The following DDIAS variants were observed in gnomAD, a reference collection of about 807,000 sequenced individuals.
DDIAS encodes the protein DNA damage-induced apoptosis suppressor protein.
A neutral mutation model predicts 15.7 loss-of-function variants in DDIAS; 14 were observed. The observed-to-expected ratio is 0.89, with a 90% CI of 0.59 to 1.39. The LOEUF (loss-of-function observed/expected upper bound fraction) is 1.39, where lower values mean the gene tolerates loss of function less well. DDIAS is among the 40% of genes most tolerant of loss of function. DDIAS has a pLI of 0.00. For missense variants in DDIAS, 1,035 were observed against 1,130.9 expected, an observed-to-expected ratio of 0.92 and a Z score of 1.22; for synonymous variants, 355 against 395.9, an observed-to-expected ratio of 0.90 and a Z score of 1.23.
Position 82,932,802 on chromosome 11 carries a change from A to C in DDIAS, c.1464A>C (p.Ala488=), listed in dbSNP as rs1861027475. The C allele has an allele frequency of 6.2e-7, 1 of 1,613,680 alleles. No individual in the cohort carries two copies. The highest frequency in any genetic ancestry group is 1.3e-5 in the African/African-American group (1 of 74,948). ...GATCATCACAAGTAATAGTCAAAGC[A>C]AACTGTAGCAAAGATGACTTCCTTT... ...ALRSSQVIVK[A]NCSKDDFLFN... The change falls in exon 6 of 6, where the codon GCA becomes GCC. Residue 488 remains alanine (A), a synonymous_variant. Transcript: ENST00000533655.
intron 1 of DDIAS, among the ~76,000 whole-genome samples, chr11:82,909,609 A>G (rs1163370736): frequency 6.6e-6 from 1 of 152,196 alleles, no homozygotes; most frequent in Admixed American, 6.5e-5. Context: ...ATGGCAAGGA[A>G]TTTGAGGTTT....
At chr11:82,913,642 T>C (rs1330761239) in intron 2 of DDIAS, 1 of 401,820 alleles carries the variant, frequency 2.5e-6, no homozygotes, top group Non-Finnish European at 4.8e-6. Flanking sequence ...GAAGTCTTTT[T>C]TTTCTCTTCA....
Position 82,931,938 on chromosome 11 carries a change from TAACA to T in DDIAS, c.602_605del (p.Asn201IlefsTer6). 6.2e-7 allele frequency: 1 copy of T among 1,614,122 alleles called. No homozygotes were observed. Among genetic ancestry groups the T allele is most frequent in the South Asian group, 1.1e-5 (1 of 91,078 alleles). ...AACTTCAGTGTGACTCTCAGGCACC[TAACA>T]ATCACTTACTTGCTTTAGATCACTC... On this transcript the variant is annotated frameshift_variant, in exon 6 of 6. Coordinates refer to ENST00000533655, the MANE Select transcript of DDIAS (RefSeq NM_145018.4). LOFTEE classifies it low-confidence loss of function (END_TRUNC).
At chr11:82,927,453 G>A (rs1341085759) in intron 3 of DDIAS, among the ~76,000 whole-genome samples, 1 of 152,186 alleles carries the variant, frequency 6.6e-6, no homozygotes, top group Non-Finnish European at 1.5e-5. Flanking sequence ...CAGAGCTACA[G>A]ATTTTAGACT....
At chr11:82,919,292 G>C (rs1860695787) in intron 3 of DDIAS, among the ~76,000 whole-genome samples, 1 of 152,184 alleles carries the variant, frequency 6.6e-6, no homozygotes, top group Admixed American at 6.5e-5. Context: ...TTCGCTGAGA[G>C]TTTTAATCAT....
chr11:82,904,921 A>G (rs1482830251), intron 1 of DDIAS, among the ~76,000 whole-genome samples: 1 of 152,242 alleles, frequency 6.6e-6, no homozygotes, highest in African/African-American at 2.4e-5. Context: ...TTTTAGTATA[A>G]TATGAGGTTA....
rs1361976973 is a variant in DDIAS at position 82,934,394 on chromosome 11, G to T, written c.*59G>T. 7 of 1,476,706 alleles carry T rather than the reference G, an allele frequency of 4.7e-6. No homozygotes were observed. Among genetic ancestry groups the T allele is most frequent in the Non-Finnish European group, 5.5e-6 (6 of 1,100,684 alleles). The allele number at this position is 1,476,706 out of a possible 1,614,324, so 91.5% of individuals were successfully genotyped here. A position where few individuals can be genotyped will look rare whatever the true frequency, so the allele number is the denominator to read the frequency against. On this transcript the variant is annotated 3_prime_UTR_variant, in exon 6 of 6. Transcript: ENST00000533655. Reference sequence around the variant, plus strand: ...ATCTGTTTGGAAATGTTTGCCTTCAGGGGTACGGAAAGCATTCTTTACATT... The same window carrying T: ...ATCTGTTTGGAAATGTTTGCCTTCATGGGTACGGAAAGCATTCTTTACATT...
chr11:82,930,754 A>AAAAAG (rs35208328), intron 5 of DDIAS, among the ~76,000 whole-genome samples: 28 of 150,846 alleles, frequency 1.9e-4, no homozygotes, highest in African/African-American at 3.2e-4. Context: ...GTTAAAAAAA[A>AAAAAG]AAGAAGTTAC....
In DDIAS at chr11:82,933,148, T is replaced by G; in HGVS notation, c.1810T>G (p.Ser604Ala). The G allele has an allele frequency of 6.2e-7, 1 of 1,609,960 alleles. No individual in the cohort carries two copies. Among genetic ancestry groups the G allele is most frequent in the Non-Finnish European group, 8.5e-7 (1 of 1,179,722 alleles). Residue 604 changes from serine (S) to alanine (A), a missense_variant, in exon 6 of 6, where the codon TCT becomes GCT. Ser to Ala is a moderately conservative substitution (Grantham distance 99). Transcript: ENST00000533655. ...GTGTTATAGGAAGTATAATGATGTC[T>G]CTGATCTTTGCAAATTAGAAAATAA... is the stretch of plus-strand genomic sequence containing the variant. ...TLCYRKYNDV[S>A]DLCKLENKQY... is the part of the protein sequence containing the mutation.
At chr11:82,926,188 C>G (rs1268365966) in intron 3 of DDIAS, among the ~76,000 whole-genome samples, 2 of 150,496 alleles carry the variant, frequency 1.3e-5, no homozygotes, top group Non-Finnish European at 2.9e-5. Flanking sequence ...CGCCTGAGCT[C>G]AAGCAATCCT....
At chr11:82,930,710 G>A (rs1246742281) in intron 5 of DDIAS, among the ~76,000 whole-genome samples, 1 of 151,294 alleles carries the variant, frequency 6.6e-6, no homozygotes, top group African/African-American at 2.4e-5. Flanking sequence ...GATTAAGAAA[G>A]ATGGTCTTAA....
rs139865887 is a variant in DDIAS at position 82,933,985 on chromosome 11, A to G, written c.2647A>G (p.Ile883Val). Residue 883 changes from isoleucine to valine, a missense_variant, in exon 6 of 6, where the codon ATA becomes GTA. Transcript: ENST00000533655. ...FPSDMLGFQGIGLGKCLAAYH... is the reference protein window; with the variant it reads ...FPSDMLGFQGVGLGKCLAAYH... ...TTCAGATATGCTTGGATTCCAAGGC[A>G]TAGGTCTAGGGAAATGCCTTGCTGC... 106 of 1,613,076 alleles carry G rather than the reference A, an allele frequency of 6.6e-5. No homozygotes were observed. The highest frequency in any genetic ancestry group is 8.4e-5 in the Non-Finnish European group (99 of 1,179,822).
intron 3 of DDIAS, among the ~76,000 whole-genome samples, chr11:82,921,629 G>A (rs4592447): frequency 1.4e-5 from 2 of 138,050 alleles, no homozygotes; most frequent in Non-Finnish European, 3.0e-5. Flanking sequence ...CCAGGCTGGA[G>A]TGAAGTGGTG....
In DDIAS at chr11:82,934,061, T is replaced by C. The variant is rs896382910; in HGVS notation, c.2723T>C (p.Ile908Thr). The change falls in exon 6 of 6, where the codon ATT (isoleucine) becomes ACT (threonine). Residue 908 changes from isoleucine (I) to threonine (T), a missense_variant. Coordinates refer to ENST00000533655, the MANE Select transcript of DDIAS (RefSeq NM_145018.4). ...QELPRKKLKHIRQGTNKGLIK... is the reference protein window; with the variant it reads ...QELPRKKLKHTRQGTNKGLIK... ...TTACCAAGAAAGAAACTGAAACATATTAGACAAGGAACCAATAAAGGTTTA... is the reference window on the plus strand; with the variant it reads ...TTACCAAGAAAGAAACTGAAACATACTAGACAAGGAACCAATAAAGGTTTA... 2 of 1,613,052 alleles carry C rather than the reference T, an allele frequency of 1.2e-6. No homozygotes were observed. The highest frequency in any genetic ancestry group is 1.3e-5 in the African/African-American group (1 of 74,838).
Position 82,931,792 on chromosome 11 carries a change from G to A in DDIAS, c.454G>A (p.Asp152Asn). Reference sequence around the variant, plus strand: ...CAGTAACTTCTTACAGCAATGCTCTGACCACAAAAGAAAAGCCAAAGCACT... The same window carrying A: ...CAGTAACTTCTTACAGCAATGCTCTAACCACAAAAGAAAAGCCAAAGCACT... ...DASNFLQQCSDHKRKAKALVA... is the reference protein window; with the variant it reads ...DASNFLQQCSNHKRKAKALVA... Residue 152 changes from aspartate to asparagine, a missense_variant, in exon 6 of 6, where the codon GAC becomes AAC. Asp to Asn is a conservative substitution (Grantham distance 23). Transcript: ENST00000533655. 1 of 1,614,160 alleles carries A rather than the reference G, an allele frequency of 6.2e-7. No individual in the cohort carries two copies. The highest frequency in any genetic ancestry group is 8.5e-7 in the Non-Finnish European group (1 of 1,180,036).
intron 1 of DDIAS, among the ~76,000 whole-genome samples, chr11:82,908,984 G>A (rs1013600591): frequency 6.6e-5 from 10 of 152,072 alleles, no homozygotes; most frequent in African/African-American, 9.7e-5. Context: ...AGTATTTCCC[G>A]ATTCTAGAAT....
intron 3 of DDIAS, among the ~76,000 whole-genome samples, chr11:82,926,131 C>T (rs1270961945): frequency 1.4e-5 from 2 of 144,234 alleles, no homozygotes; most frequent in African/African-American, 2.6e-5. Context: ...TCTGTCACCT[C>T]CAGACTGGAG....
At chr11:82,912,493 A>C (rs971566903) in intron 1 of DDIAS, among the ~76,000 whole-genome samples, 8 of 152,302 alleles carry the variant, frequency 5.3e-5, no homozygotes, top group South Asian at 4.1e-4. Flanking sequence ...TTTTTTCTGC[A>C]GCTTCCTCAA....
At position 82,923,348 on chromosome 11, in the gene DDIAS, A is replaced by G. The variant is rs554903991; in HGVS notation, c.114-5429A>G. 4.6e-5 allele frequency among the ~76,000 whole-genome samples: 7 copies of G among 152,356 alleles called. No homozygotes were observed. The East Asian group carries it at 1.2e-3, about 25-fold the overall frequency. On this transcript the variant is annotated intron_variant, in intron 3 of 5. Coordinates refer to ENST00000533655, the MANE Select transcript of DDIAS (RefSeq NM_145018.4). Reference sequence around the variant, plus strand: ...GGAATCAGTTGTAAGCCAACACAGGAAACAGAAATTCCTCATGTTCATTTC... The same window carrying G: ...GGAATCAGTTGTAAGCCAACACAGGGAACAGAAATTCCTCATGTTCATTTC...
Sources: allele counts gnomAD v4.1 joint callset (sites outside exome capture counted in the v4.1 genomes callset), GRCh38; gene constraint gnomAD v4.1.1; transcripts MANE v1.5; gene names NCBI Gene and HGNC (gene_info 2026-07-23, HGNC 2026-07-21).